UPP2: variants seen among roughly 807,000 people sequenced by gnomAD.
UPP2 encodes uridine phosphorylase 2.
In UPP2, 23 loss-of-function variants were observed where a neutral mutation model predicts 26.7. The observed-to-expected ratio is 0.86, with a 90% CI of 0.62 to 1.22. The LOEUF (loss-of-function observed/expected upper bound fraction) is 1.22, where lower values mean the gene tolerates loss of function less well. Ranked by LOEUF, UPP2 falls within the 50% of genes most tolerant of loss-of-function variation. UPP2 has a pLI of 0.00. For missense variants in UPP2, 387 were observed against 396.7 expected (o/e 0.98, Z 0.21); for synonymous variants, 127 against 141.3 (o/e 0.90, Z 0.72).
At chr2:158,130,270 G>A (rs751469607) in intron 6 of UPP2, among the ~76,000 whole-genome samples, 13 of 151,888 alleles carry the variant, frequency 8.6e-5, no homozygotes, top group East Asian at 3.9e-4. Context: ...GTGAAACCTC[G>A]TCTCTACTAC....
intron 3 of UPP2, among the ~76,000 whole-genome samples, chr2:158,050,349 TAAAC>T: frequency 6.6e-6 from 1 of 152,066 alleles, no homozygotes; most frequent in Middle Eastern, 3.4e-3. Flanking sequence ...GACTGAGAAG[TAAAC>T]AGTTTGGCTC....
At chr2:158,081,619 A>C (rs1264236125) in intron 3 of UPP2, among the ~76,000 whole-genome samples, 1 of 152,202 alleles carries the variant, frequency 6.6e-6, no homozygotes, top group Admixed American at 6.5e-5. Context: ...TATACACCAT[A>C]AAATAATATT....
At chr2:158,069,689 TGGC>T (rs1682507014) in intron 3 of UPP2, among the ~76,000 whole-genome samples, 1 of 152,228 alleles carries the variant, frequency 6.6e-6, no homozygotes, top group Non-Finnish European at 1.5e-5. Context: ...CAAGTTCCAC[TGGC>T]ATGGCACCTC....
At chr2:158,016,939 C>T (rs1683669137) in intron 3 of UPP2, among the ~76,000 whole-genome samples, 2 of 152,238 alleles carry the variant, frequency 1.3e-5, no homozygotes, top group Middle Eastern at 3.4e-3. Context: ...GCCATCTATG[C>T]TTTTTAGCAT....
At chr2:158,046,060 A>G (rs1684148733) in intron 3 of UPP2, among the ~76,000 whole-genome samples, 1 of 152,198 alleles carries the variant, frequency 6.6e-6, no homozygotes, top group South Asian at 2.1e-4. Flanking sequence ...AAGAAATAAG[A>G]TTCTAAAAAA....
Position 158,047,841 on chromosome 2 carries a change from G to A in UPP2, c.147+31955G>A, listed in dbSNP as rs186490224. 1.4e-4 allele frequency among the ~76,000 whole-genome samples: 21 copies of A among 152,216 alleles called. No homozygotes were observed. The East Asian group carries it at 4.1e-3, about 29-fold the overall frequency. On this transcript the variant is annotated intron_variant, in intron 3 of 9. Transcript: ENST00000605860. ...TATGCCAGGCTCTTTGTAAATTGCT[G>A]GATTACAAGTCTTCCCAATTGGTTT...
intron 3 of UPP2, among the ~76,000 whole-genome samples, chr2:158,085,314 T>G (rs1682795109): frequency 6.6e-6 from 1 of 152,136 alleles, no homozygotes; most frequent in Non-Finnish European, 1.5e-5. Flanking sequence ...TTGCTGTTGG[T>G]GTATAGCAAA....
intron 2 of UPP2, among the ~76,000 whole-genome samples, chr2:158,114,068 C>T (rs1425403891): frequency 1.3e-5 from 2 of 152,138 alleles, no homozygotes; most frequent in South Asian, 2.1e-4. Context: ...TGAGGCACAT[C>T]GATTATTTGT....
rs918011767 is a variant in UPP2 at position 158,034,010 on chromosome 2, G to A, written c.147+18124G>A. Among the ~76,000 whole-genome samples, 96 of 152,290 alleles carry A rather than the reference G, an allele frequency of 6.3e-4. 1 individual carries two copies. The highest frequency in any genetic ancestry group is 2.0e-3 in the Admixed American group (30 of 15,298). The stretch of plus-strand genomic sequence containing the variant: ...ATTTGCTCTGGGGCAACACAGACCC[G>A]GTCAAGCAGCATCTCCTGGCTCTGG... On this transcript the variant is annotated intron_variant, in intron 3 of 9. Transcript: ENST00000605860.
intron 3 of UPP2, among the ~76,000 whole-genome samples, chr2:158,016,262 T>A (rs1683656964): frequency 6.6e-6 from 1 of 152,162 alleles, no homozygotes; most frequent in Non-Finnish European, 1.5e-5. Flanking sequence ...TTTATAGGGA[T>A]CAAGTTGTCT....
intron 1 of UPP2, among the ~76,000 whole-genome samples, chr2:158,104,179 A>G (rs1266600275): frequency 6.6e-6 from 1 of 152,228 alleles, no homozygotes; most frequent in African/African-American, 2.4e-5. Flanking sequence ...ACTATATTGC[A>G]ATGTGAAATG....
intron 2 of UPP2, among the ~76,000 whole-genome samples, chr2:158,108,008 C>T (rs1279701428): frequency 6.6e-6 from 1 of 152,130 alleles, no homozygotes; most frequent in Non-Finnish European, 1.5e-5. Context: ...AGGTTCATGC[C>T]TCTCAATAAT....
intron 3 of UPP2, among the ~76,000 whole-genome samples, chr2:158,062,468 T>C (rs1682367408): frequency 6.6e-6 from 1 of 152,096 alleles, no homozygotes; most frequent in East Asian, 1.9e-4. Context: ...TGCAAGGTTT[T>C]TAACCAGGGG....
At chr2:158,019,091 T>C (rs541191286) in intron 3 of UPP2, among the ~76,000 whole-genome samples, 2 of 152,348 alleles carry the variant, frequency 1.3e-5, no homozygotes, top group African/African-American at 2.4e-5. Flanking sequence ...AAGAATGCTA[T>C]ATGTGTCATA....
chr2:158,020,233 G>A (rs1045791344), intron 3 of UPP2, among the ~76,000 whole-genome samples: 2 of 152,196 alleles, frequency 1.3e-5, no homozygotes, highest in African/African-American at 4.8e-5. Flanking sequence ...TAAAATGCAG[G>A]TCTGTGTTCT....
chr2:158,055,664 G>A (rs16842508), intron 3 of UPP2, among the ~76,000 whole-genome samples: 16,734 of 152,166 alleles, frequency 0.11, 2,862 homozygotes, highest in African/African-American at 0.37. Context: ...TTAACAGGCT[G>A]TGCAACTATG....
intron 1 of UPP2, among the ~76,000 whole-genome samples, chr2:158,103,271 C>T (rs1220108510): frequency 3.9e-5 from 6 of 152,048 alleles, no homozygotes; most frequent in Admixed American, 1.3e-4. Flanking sequence ...AATCATTAGA[C>T]GTTGGGACAG....
At chr2:158,085,008 T>G (rs753741056) in intron 3 of UPP2, among the ~76,000 whole-genome samples, 1 of 152,030 alleles carries the variant, frequency 6.6e-6, no homozygotes, top group Non-Finnish European at 1.5e-5. Flanking sequence ...AATTTTAGAA[T>G]TTTTTTCTAG....
chr2:158,035,709 T>C (rs1442815685), intron 3 of UPP2, among the ~76,000 whole-genome samples: 2 of 152,240 alleles, frequency 1.3e-5, no homozygotes, highest in Non-Finnish European at 2.9e-5. Context: ...AATTCATACA[T>C]TGATGACATT....
Sources: gnomAD v4.1 joint callset for allele counts (sites outside exome capture counted in the v4.1 genomes callset) on GRCh38, gnomAD v4.1.1 for gene constraint, MANE v1.5 for transcripts, NCBI Gene and HGNC (gene_info 2026-07-23, HGNC 2026-07-21) for gene names.